Variants in RAPGEF6 observed in about 807,000 individuals in gnomAD.
The protein encoded by RAPGEF6 is PDZ domain containing guanine nucleotide exchange factor (GEF) 2.
A neutral mutation model predicts 171.4 loss-of-function variants in RAPGEF6; 56 were observed. The ratio of observed to expected loss-of-function variants is 0.33; its 90% CI spans 0.26 to 0.41. RAPGEF6 has a LOEUF of 0.41. Among genes scored for constraint, RAPGEF6 ranks in the 10% least tolerant of loss-of-function variants. The pLI is 1.00. For synonymous variants in RAPGEF6, 692 were observed against 650.1 expected (o/e 1.06, Z -0.98); for missense variants, 1,674 against 1,921.4 (o/e 0.87, Z 2.41).
chr5:131,442,532 T>C lies in RAPGEF6; in HGVS notation c.3427A>G (p.Lys1143Glu), dbSNP rs1346829921. The C allele has an allele frequency of 6.8e-6, 11 of 1,613,770 alleles. No individual in the cohort carries two copies. Among genetic ancestry groups the C allele is most frequent in the African/African-American group, 1.3e-5 (1 of 74,924 alleles). ...QWEPAYGTLT[K>E]NLSEKRSAKS... ...GCTGATCTTTTCTCACTTAAATTCTTGGTCACTAACAGGAGAGAGTAAGAA... is the reference window on the plus strand; with the variant it reads ...GCTGATCTTTTCTCACTTAAATTCTCGGTCACTAACAGGAGAGAGTAAGAA... The change falls in exon 23 of 28, where the codon AAG (lysine) becomes GAG (glutamate). Residue 1143 changes from lysine to glutamate, a missense_variant. Transcript: ENST00000509018.
Position 131,439,652 on chromosome 5 carries a change from T to C in RAPGEF6, c.3674A>G (p.Glu1225Gly). 1 of 1,612,694 alleles carries C rather than the reference T, an allele frequency of 6.2e-7. No homozygotes were observed. The highest frequency in any genetic ancestry group is 2.2e-5 in the East Asian group (1 of 44,854). ...TEEISGKKHT[E>G]DTISVASSLH... ...AGATGACGCCACAGAAATAGTGTCT[T>C]CTGTATGCTTCTTACCACTTATTTC... The change falls in exon 24 of 28, where the codon GAA (glutamate) becomes GGA (glycine). Residue 1225 changes from glutamate (E) to glycine (G), a missense_variant. This residue lies in a region of RAPGEF6 where 552 missense variants were observed against 574.2 expected (regional missense o/e 0.96). Transcript: ENST00000509018.
intron 16 of RAPGEF6, among the ~76,000 whole-genome samples, chr5:131,477,814 A>T (rs1030787577): frequency 6.6e-6 from 1 of 152,128 alleles, no homozygotes; most frequent in African/African-American, 2.4e-5. Flanking sequence ...AAACCCATTA[A>T]GGCTTCTGGA....
intron 1 of RAPGEF6, among the ~76,000 whole-genome samples, chr5:131,629,889 A>T (rs760719963): frequency 1.3e-5 from 2 of 152,244 alleles, no homozygotes; most frequent in Non-Finnish European, 2.9e-5. Context: ...TTAGTAAAAA[A>T]AGTGGTTTCT....
rs1411932037 is a variant in RAPGEF6 at position 131,425,633 on chromosome 5, A to C, written c.*1633T>G. The C allele has an allele frequency of 3.9e-5, 6 of 152,358 alleles. No individual in the cohort carries two copies. The highest frequency in any genetic ancestry group is 8.8e-5 in the Non-Finnish European group (6 of 68,050). The allele number at this position is 152,358 out of a possible 1,614,324, so 9.4% of individuals were successfully genotyped here. A position where few individuals can be genotyped will look rare whatever the true frequency, so the allele number is the denominator to read the frequency against. On this transcript the variant is annotated 3_prime_UTR_variant, in exon 28 of 28. Transcript: ENST00000509018. ...AATTTTTGAAATGCTATTATTCCTA[A>C]AATAAAGAGACAATCATGTTGATGG...
intron 23 of RAPGEF6, among the ~76,000 whole-genome samples, chr5:131,441,631 G>A (rs191290712): frequency 6.6e-6 from 1 of 152,218 alleles, no homozygotes; most frequent in Non-Finnish European, 1.5e-5. Flanking sequence ...ACATTATATT[G>A]AAGTTACCTG....
At chr5:131,630,767 C>T (rs1424665331) in intron 1 of RAPGEF6, among the ~76,000 whole-genome samples, 1 of 152,090 alleles carries the variant, frequency 6.6e-6, no homozygotes, top group African/African-American at 2.4e-5. Flanking sequence ...ATAAAGGAAC[C>T]ATTCATTTTG....
At chr5:131,534,737 TTGTA>T (rs1759648023) in intron 6 of RAPGEF6, among the ~76,000 whole-genome samples, 1 of 152,062 alleles carries the variant, frequency 6.6e-6, no homozygotes, top group Non-Finnish European at 1.5e-5. Context: ...AGTAGGTACT[TTGTA>T]TGTACATGAA....
intron 12 of RAPGEF6, 147 bp from the exon 13 acceptor site, chr5:131,495,807 G>C: frequency 7.9e-7 from 1 of 1,260,188 alleles, no homozygotes; most frequent in Non-Finnish European, 1.1e-6. Flanking sequence ...CTAACAGAAA[G>C]GCATGGTTTA....
intron 8 of RAPGEF6, among the ~76,000 whole-genome samples, chr5:131,509,688 T>C (rs975430053): frequency 1.3e-5 from 2 of 152,212 alleles, no homozygotes; most frequent in Non-Finnish European, 2.9e-5. Context: ...TTAAATGTCT[T>C]ATAGACATGA....
chr5:131,499,582 A>AT (rs11372491), intron 11 of RAPGEF6, among the ~76,000 whole-genome samples: 2 of 10,876 alleles, frequency 1.8e-4, no homozygotes, highest in Non-Finnish European at 7.0e-4. Context: ...ACTTTGTCTC[A>AT]AAAAAAAAAA....
At chr5:131,625,611 C>A (rs1266149222) in intron 1 of RAPGEF6, among the ~76,000 whole-genome samples, 1 of 151,996 alleles carries the variant, frequency 6.6e-6, no homozygotes, top group Non-Finnish European at 1.5e-5. Flanking sequence ...GTCGGGAGAT[C>A]GAGACCATCC....
chr5:131,606,342 C>T (rs1164972530), intron 1 of RAPGEF6, among the ~76,000 whole-genome samples: 14 of 127,960 alleles, frequency 1.1e-4, no homozygotes, highest in Non-Finnish European at 6.3e-5. Flanking sequence ...CCAGTCTAGG[C>T]GATTGAGACT....
intron 6 of RAPGEF6, among the ~76,000 whole-genome samples, chr5:131,521,811 C>T (rs528781848): frequency 6.9e-6 from 1 of 145,386 alleles, no homozygotes; most frequent in Non-Finnish European, 1.5e-5. Context: ...AATATCAGAC[C>T]TGTCCATTTA....
chr5:131,589,933 T>C (rs1022415422), intron 4 of RAPGEF6, among the ~76,000 whole-genome samples: 1 of 152,174 alleles, frequency 6.6e-6, no homozygotes, highest in Non-Finnish European at 1.5e-5. Flanking sequence ...CTCTGCTATT[T>C]ATTGGGCTGC....
intron 6 of RAPGEF6, among the ~76,000 whole-genome samples, chr5:131,524,145 G>A (rs1307490743): frequency 6.6e-6 from 1 of 152,096 alleles, no homozygotes; most frequent in Non-Finnish European, 1.5e-5. Context: ...TCCACTGGGA[G>A]AAGAAAAATG....
intron 6 of RAPGEF6, among the ~76,000 whole-genome samples, chr5:131,522,286 T>G (rs1309457633): frequency 6.6e-6 from 1 of 152,180 alleles, no homozygotes; most frequent in African/African-American, 2.4e-5. Flanking sequence ...AAATACAAGC[T>G]ACAGAAATTA....
chr5:131,583,775 T>A (rs956599374), intron 4 of RAPGEF6, among the ~76,000 whole-genome samples: 17 of 152,342 alleles, frequency 1.1e-4, no homozygotes, highest in Admixed American at 2.0e-4. Flanking sequence ...TTATTCATAC[T>A]GGCTCAGAAT....
rs552770736 is a variant in RAPGEF6, at chr5:131,592,316, A to ATACATATATACATATATAC, written c.281+66_281+67insGTATATATGTATATATGTA. ...AAAAGATGTATCACTTACTGAAAGA[A>ATACATATATACATATATAC]AATATACATCCTATACAAAATAGTT... On this transcript the variant is annotated intron_variant, in intron 4 of 27. Transcript: ENST00000509018. 7,729 of 1,567,900 alleles carry ATACATATATACATATATAC rather than the reference A, an allele frequency of 4.9e-3. 34 individuals are homozygous for ATACATATATACATATATAC. The highest frequency in any genetic ancestry group is 5.1e-3 in the Non-Finnish European group (5,942 of 1,158,210).
Position 131,550,386 on chromosome 5 carries a change from C to A in RAPGEF6, c.352-2196G>T, listed in dbSNP as rs184378172. Among the ~76,000 whole-genome samples the A allele has an allele frequency of 1.9e-3, 291 of 152,264 alleles. 1 individual carries two copies. The highest frequency in any genetic ancestry group is 6.6e-3 in the African/African-American group (274 of 41,536). On this transcript the variant is annotated intron_variant, in intron 5 of 27. Transcript: ENST00000509018. ...CTCCATCCCCAAAATACTTTTATCACCTTATCTTACATGTACAATCCTGGA... is the reference window on the plus strand; with the variant it reads ...CTCCATCCCCAAAATACTTTTATCAACTTATCTTACATGTACAATCCTGGA...
Sources: allele counts gnomAD v4.1 joint callset (sites outside exome capture counted in the v4.1 genomes callset), GRCh38; gene constraint gnomAD v4.1.1; regional missense constraint gnomAD v4.1.1; transcripts MANE v1.5; gene names NCBI Gene and HGNC (gene_info 2026-07-23, HGNC 2026-07-21).